The following LMO1 variants were observed in gnomAD, a reference collection of about 807,000 sequenced individuals.
LMO1 encodes the protein LIM domain only 1.
A neutral mutation model predicts 18.0 loss-of-function variants in LMO1; 10 were observed. The observed-to-expected ratio is 0.55, with a 90% confidence interval of 0.34 to 0.94. LMO1 has a LOEUF of 0.94. LMO1 is among the 40% of genes least tolerant of loss of function. The pLI is 0.02. For missense variants in LMO1, 183 were observed against 205.7 expected, an observed-to-expected ratio of 0.89 and a Z score of 0.68; for synonymous variants, 77 against 77.9, an observed-to-expected ratio of 0.99 and a Z score of 0.06.
chr11:8,230,269 A>G (rs1369546942), intron 2 of LMO1, 22 bp downstream of exon 2: 1 of 1,609,350 alleles, frequency 6.2e-7, no homozygotes, highest in South Asian at 1.1e-5. Flanking sequence ...AGGGCTTGGG[A>G]GGCCAGGGTT....
intron 1 of LMO1, among the ~76,000 whole-genome samples, chr11:8,245,039 G>T (rs549557169): frequency 2.2e-4 from 33 of 152,284 alleles, no homozygotes; most frequent in Middle Eastern, 3.4e-3. Context: ...ATCATGCCCG[G>T]CACTTCATGT....
Position 8,261,152 on chromosome 11 carries a change from G to A in LMO1, c.25+2186C>T, listed in dbSNP as rs1380620264. Among the ~76,000 whole-genome samples the A allele has an allele frequency of 2.0e-5, 3 of 152,160 alleles. No homozygotes were observed. The East Asian group carries it at 5.8e-4, about 29-fold the overall frequency. ...GGGCTGGGTAGGACAAGAATAGGTG[G>A]CTGCTTAGGACACCAGTGGATGTGC... On this transcript the variant is annotated intron_variant, in intron 1 of 3. Transcript: ENST00000335790.
chr11:8,245,056 T>A (rs1051283362), intron 1 of LMO1, among the ~76,000 whole-genome samples: 3 of 152,372 alleles, frequency 2.0e-5, no homozygotes, highest in East Asian at 1.9e-4. Context: ...ATGTACAGCA[T>A]CTTCCCAAGT....
chr11:8,251,897 G>A lies in LMO1; in HGVS notation c.25+11441C>T, dbSNP rs981707280. Among the ~76,000 whole-genome samples, 139 of 136,756 alleles carry A rather than the reference G, an allele frequency of 1.0e-3. 2 individuals are homozygous for A. The highest frequency in any genetic ancestry group is 3.9e-3 in the Middle Eastern group (1 of 256). 89.7% of individuals were successfully genotyped at this position (136,756 alleles called of 152,430 possible). On this transcript the variant is annotated intron_variant, in intron 1 of 3. Coordinates refer to ENST00000335790, the MANE Select transcript of LMO1 (RefSeq NM_002315.3). ...AGTGTGTGTGTGTATAGGTGTGTATGGGAGTGTGTGGTGGGTGTGTGGTGG... is the reference window on the plus strand; with the variant it reads ...AGTGTGTGTGTGTATAGGTGTGTATAGGAGTGTGTGGTGGGTGTGTGGTGG...
At chr11:8,252,222 G>C (rs553113457) in intron 1 of LMO1, among the ~76,000 whole-genome samples, 1 of 152,292 alleles carries the variant, frequency 6.6e-6, no homozygotes, top group South Asian at 2.1e-4. Context: ...ACACAACCTA[G>C]TCCTCTGCAA....
chr11:8,255,639 C>T (rs1326587620), intron 1 of LMO1, among the ~76,000 whole-genome samples: 2 of 152,188 alleles, frequency 1.3e-5, no homozygotes, highest in Non-Finnish European at 2.9e-5. Context: ...ATCCTCCATC[C>T]TCCAGATGTG....
intron 1 of LMO1, among the ~76,000 whole-genome samples, chr11:8,254,901 T>G (rs1304821382): frequency 1.3e-5 from 2 of 152,110 alleles, no homozygotes; most frequent in Non-Finnish European, 2.9e-5. Context: ...AATTACTCAA[T>G]CTCTTTGTAC....
upstream of LMO1, among the ~76,000 whole-genome samples, chr11:8,267,892 C>A (rs1304696773): frequency 6.6e-6 from 1 of 152,224 alleles, no homozygotes; most frequent in Non-Finnish European, 1.5e-5. Flanking sequence ...GTCAGCCATC[C>A]CGCAGCTACG....
intron 1 of LMO1, among the ~76,000 whole-genome samples, chr11:8,254,089 G>T (rs890113705): frequency 6.6e-6 from 1 of 152,094 alleles, no homozygotes; most frequent in South Asian, 2.1e-4. Flanking sequence ...CGTATGAGAG[G>T]AAAATTATAC....
chr11:8,260,341 T>C (rs995593648), intron 1 of LMO1, among the ~76,000 whole-genome samples: 2 of 152,148 alleles, frequency 1.3e-5, no homozygotes, highest in African/African-American at 4.8e-5. Context: ...TCCGGGAAAG[T>C]TGGAGCTCAG....
intron 1 of LMO1, among the ~76,000 whole-genome samples, chr11:8,237,386 C>A (rs1031562991): frequency 1.3e-5 from 2 of 152,198 alleles, no homozygotes; most frequent in Non-Finnish European, 2.9e-5. Context: ...AACTTCATTT[C>A]GCACGGACAC....
At chr11:8,236,787 C>T (rs376926082) in intron 1 of LMO1, among the ~76,000 whole-genome samples, 6 of 152,176 alleles carry the variant, frequency 3.9e-5, no homozygotes, top group Non-Finnish European at 7.3e-5. Context: ...CCCAGCACAG[C>T]GCTGGCATAC....
chr11:8,257,178 A>G (rs1453022967), intron 1 of LMO1, among the ~76,000 whole-genome samples: 4 of 152,218 alleles, frequency 2.6e-5, no homozygotes, highest in African/African-American at 9.6e-5. Flanking sequence ...CTTGCAAGCC[A>G]GGACAAGTTG....
chr11:8,241,185 A>G (rs1846785172), intron 1 of LMO1, among the ~76,000 whole-genome samples: 1 of 151,816 alleles, frequency 6.6e-6, no homozygotes, highest in East Asian at 1.9e-4. Context: ...CTCCCACACT[A>G]TCATCCACCC....
At chr11:8,268,192 T>G (rs1001640387), upstream of LMO1, among the ~76,000 whole-genome samples, 2 of 152,140 alleles carry the variant, frequency 1.3e-5, no homozygotes, top group Non-Finnish European at 2.9e-5. Context: ...ACCGGGAGAC[T>G]TCCTAATCCC....
upstream of LMO1, among the ~76,000 whole-genome samples, chr11:8,267,139 G>T (rs1357189238): frequency 6.6e-6 from 1 of 152,176 alleles, no homozygotes; most frequent in Admixed American, 6.5e-5. Flanking sequence ...GTTATAGATT[G>T]TTAGGCCTTG....
intron 1 of LMO1, among the ~76,000 whole-genome samples, chr11:8,246,219 T>C (rs1190519710): frequency 6.6e-6 from 1 of 152,006 alleles, no homozygotes; most frequent in Non-Finnish European, 1.5e-5. Flanking sequence ...AAAATATAGG[T>C]CTTAACAAAA....
Position 8,227,087 on chromosome 11 carries a change from T to C in LMO1, c.253A>G (p.Thr85Ala). The change falls in exon 3 of 4, where the codon ACA becomes GCA. Residue 85 changes from threonine to alanine, a missense_variant. Coordinates refer to ENST00000335790, the MANE Select transcript of LMO1 (RefSeq NM_002315.3). ...TTGCTGCAAGCAGCACAGTTCCCTG[T>C]GGTGCCAAAGAGCCTGCCGAGGGAA... Reference protein sequence around the residue: ...RRDYLRLFGTTGNCAACSKLI... With the variant: ...RRDYLRLFGTAGNCAACSKLI... 1 of 1,613,464 alleles carries C rather than the reference T, an allele frequency of 6.2e-7. No individual in the cohort carries two copies. The highest frequency in any genetic ancestry group is 8.5e-7 in the Non-Finnish European group (1 of 1,179,590).
rs528759093 is a variant in LMO1 at position 8,235,350 on chromosome 11, T to C, written c.26-4846A>G. 5.9e-5 allele frequency among the ~76,000 whole-genome samples: 9 copies of C among 152,312 alleles called. No individual in the cohort carries two copies. In the South Asian group the frequency reaches 1.9e-3, roughly 32 times the overall value. On this transcript the variant is annotated intron_variant, in intron 1 of 3. Coordinates refer to ENST00000335790, the MANE Select transcript of LMO1 (RefSeq NM_002315.3). ...CCTACTTCTACCTACTTACCTATAA[T>C]TTTTTCCCTAAATCATTTGAGAGTT...
Sources: gnomAD v4.1 joint callset for allele counts (sites outside exome capture counted in the v4.1 genomes callset) on GRCh38, gnomAD v4.1.1 for gene constraint, MANE v1.5 for transcripts, NCBI Gene and HGNC (gene_info 2026-07-23, HGNC 2026-07-21) for gene names.